Variants in KCNQ5 observed in about 807,000 individuals in gnomAD.
The protein encoded by KCNQ5 is potassium voltage-gated channel subfamily Q member 5.
KCNQ5 carries 30 observed loss-of-function variants against 98.2 expected under a neutral mutation model. The observed-to-expected ratio is 0.31, with a 90% CI of 0.23 to 0.41. The LOEUF is 0.41. Ranked by LOEUF, KCNQ5 falls within the 10% of genes least tolerant of loss-of-function variation. The pLI, the probability that KCNQ5 is intolerant of heterozygous loss-of-function variation, is 1.00. For missense variants in KCNQ5, 835 were observed against 1,182.5 expected (o/e 0.71, Z 4.31); for synonymous variants, 458 against 449.4 (o/e 1.02, Z -0.24).
In KCNQ5 at chr6:73,153,823, A is replaced by ACT. The variant is rs1184441814; in HGVS notation, c.1469-15923_1469-15922insCT. 3.3e-5 allele frequency among the ~76,000 whole-genome samples: 5 copies of ACT among 152,188 alleles called. No homozygotes were observed. The East Asian group carries it at 9.6e-4, about 29-fold the overall frequency. On this transcript the variant is annotated intron_variant, in intron 10 of 13. Transcript: ENST00000370398. Reference sequence around the variant, plus strand: ...AAGAATGTCATAATACTAAATAAGTAAAATAAAAAATAATAAAAATAACAA... The same window carrying ACT: ...AAGAATGTCATAATACTAAATAAGTACTAAATAAAAAATAATAAAAATAACAA...
intron 1 of KCNQ5, among the ~76,000 whole-genome samples, chr6:72,716,866 C>G (rs185030710): frequency 4.7e-4 from 72 of 152,276 alleles, no homozygotes; most frequent in African/African-American, 1.7e-3. Context: ...AACCACTTTC[C>G]TCAATGCCAT....
At chr6:72,721,352 A>C (rs1769948508) in intron 1 of KCNQ5, among the ~76,000 whole-genome samples, 1 of 152,148 alleles carries the variant, frequency 6.6e-6, no homozygotes, top group African/African-American at 2.4e-5. Context: ...GTTTGTGATA[A>C]ATCTTACAAA....
At chr6:73,159,103 C>T (rs923370856) in intron 10 of KCNQ5, among the ~76,000 whole-genome samples, 1 of 151,658 alleles carries the variant, frequency 6.6e-6, no homozygotes, top group Non-Finnish European at 1.5e-5. Flanking sequence ...AATCTAAGTG[C>T]CCATCAGTGA....
Position 73,195,081 on chromosome 6 carries a change from G to A in KCNQ5, c.2466G>A (p.Val822=). The A allele has an allele frequency of 6.2e-7, 1 of 1,614,230 alleles. No homozygotes were observed. Among genetic ancestry groups the A allele is most frequent in the Non-Finnish European group, 8.5e-7 (1 of 1,180,040 alleles). The change falls in exon 14 of 14, where the codon GTG becomes GTA. Residue 822 remains valine (V), a synonymous_variant. Transcript: ENST00000370398. ...CTCTGTTGTCTGTCTGTCCCATGGT[G>A]CCGAAGGACTTGGGCAAATCTTTGT... ...GETLLSVCPM[V]PKDLGKSLSV...
intron 1 of KCNQ5, among the ~76,000 whole-genome samples, chr6:72,805,364 A>G (rs1017622010): frequency 2.0e-5 from 3 of 152,044 alleles, no homozygotes; most frequent in Non-Finnish European, 2.9e-5. Context: ...ACAGGGGTCT[A>G]TTTTCATTCT....
chr6:72,902,723 T>A (rs552105092), intron 1 of KCNQ5, among the ~76,000 whole-genome samples: 36 of 152,330 alleles, frequency 2.4e-4, no homozygotes, highest in Non-Finnish European at 4.0e-4. Context: ...CTTTTTGATA[T>A]GTTGTTAGAT....
At chr6:72,665,489 A>G (rs1766767030) in intron 1 of KCNQ5, among the ~76,000 whole-genome samples, 2 of 152,154 alleles carry the variant, frequency 1.3e-5, no homozygotes, top group South Asian at 4.1e-4. Flanking sequence ...GAATTTCTGA[A>G]AAGAAAATCA....
chr6:72,933,409 G>T (rs1582041260), intron 1 of KCNQ5, among the ~76,000 whole-genome samples: 1 of 152,170 alleles, frequency 6.6e-6, no homozygotes, highest in East Asian at 1.9e-4. Context: ...CTTACAGGAT[G>T]AACTTCCCAG....
intron 10 of KCNQ5, among the ~76,000 whole-genome samples, chr6:73,150,832 A>ATGTGTGTG (rs35693535): frequency 0.046 from 6,779 of 148,126 alleles, 162 homozygotes; most frequent in East Asian, 0.088. Context: ...ATATATATAT[A>ATGTGTGTG]TGTGTGTGTG....
intron 2 of KCNQ5, among the ~76,000 whole-genome samples, chr6:73,020,867 C>T (rs1346909691): frequency 6.6e-6 from 1 of 152,068 alleles, no homozygotes; most frequent in Non-Finnish European, 1.5e-5. Context: ...CTGATCTTTC[C>T]TACATCTCTA....
chr6:72,720,490 C>CTAT (rs1769901096), intron 1 of KCNQ5, among the ~76,000 whole-genome samples: 1 of 152,084 alleles, frequency 6.6e-6, no homozygotes, highest in Non-Finnish European at 1.5e-5. Context: ...ATTGCAAAGG[C>CTAT]TGTTTTCTTT....
rs76638495 is a variant in KCNQ5 at position 72,937,535 on chromosome 6, T to C, written c.399-66373T>C. 8.2e-3 allele frequency among the ~76,000 whole-genome samples: 1,250 copies of C among 152,332 alleles called. 11 individuals are homozygous for C. The highest frequency in any genetic ancestry group is 9.5e-3 in the Non-Finnish European group (645 of 68,030). Reference sequence around the variant, plus strand: ...AGTATGTTTCAATAAAAAGTAATTTTCTTTTCTTCTATAAGCCTTTTAATA... The same window carrying C: ...AGTATGTTTCAATAAAAAGTAATTTCCTTTTCTTCTATAAGCCTTTTAATA... On this transcript the variant is annotated intron_variant, in intron 1 of 13. Coordinates refer to ENST00000370398, the MANE Select transcript of KCNQ5 (RefSeq NM_019842.4).
chr6:72,645,146 A>G (rs1225645760), intron 1 of KCNQ5, among the ~76,000 whole-genome samples: 1 of 142,834 alleles, frequency 7.0e-6, no homozygotes, highest in Non-Finnish European at 1.5e-5. Context: ...AGGTGAGTGG[A>G]TTGTGTTGGA....
At chr6:73,193,082 A>G (rs1303858063) in intron 13 of KCNQ5, among the ~76,000 whole-genome samples, 1 of 140,100 alleles carries the variant, frequency 7.1e-6, no homozygotes, top group East Asian at 2.1e-4. Context: ...GTGTAGTGGC[A>G]TGCTCCCAGC....
At chr6:73,177,017 T>G (rs1397741258) in intron 11 of KCNQ5, among the ~76,000 whole-genome samples, 1 of 152,110 alleles carries the variant, frequency 6.6e-6, no homozygotes, top group Non-Finnish European at 1.5e-5. Context: ...AGGAGATAGA[T>G]TCAAACAGCC....
chr6:73,034,671 T>A (rs1456230837), intron 2 of KCNQ5, among the ~76,000 whole-genome samples: 4 of 152,136 alleles, frequency 2.6e-5, no homozygotes, highest in African/African-American at 7.2e-5. Context: ...AATTTAAACC[T>A]CAAATGGTAC....
intron 1 of KCNQ5, among the ~76,000 whole-genome samples, chr6:72,703,461 C>T (rs1336388825): frequency 6.6e-6 from 1 of 152,136 alleles, no homozygotes; most frequent in Non-Finnish European, 1.5e-5. Context: ...TGTCTGTCTC[C>T]TCCAGTAGTG....
At position 72,831,860 on chromosome 6, in the gene KCNQ5, T is replaced by C. The variant is rs754848883; in HGVS notation, c.399-172048T>C. Among the ~76,000 whole-genome samples the C allele has an allele frequency of 1.1e-4, 17 of 151,750 alleles. 1 individual carries two copies. The East Asian group carries it at 1.7e-3, about 16-fold the overall frequency. ...ATTAGAGTGGGGCTTTAGTGAGGTGTGTGGGCCTGATTTCAGGGAGTATGT... is the reference window on the plus strand; with the variant it reads ...ATTAGAGTGGGGCTTTAGTGAGGTGCGTGGGCCTGATTTCAGGGAGTATGT... On this transcript the variant is annotated intron_variant, in intron 1 of 13. Transcript: ENST00000370398.
At chr6:72,833,012 T>G (rs1776350502) in intron 1 of KCNQ5, among the ~76,000 whole-genome samples, 1 of 152,216 alleles carries the variant, frequency 6.6e-6, no homozygotes, top group Non-Finnish European at 1.5e-5. Flanking sequence ...GTGCTTGTAC[T>G]TCATTGCACA....
Sources: gnomAD v4.1 joint callset for allele counts (sites outside exome capture counted in the v4.1 genomes callset) on GRCh38, gnomAD v4.1.1 for gene constraint, MANE v1.5 for transcripts, NCBI Gene and HGNC (gene_info 2026-07-23, HGNC 2026-07-21) for gene names.